The following VAV2 variants were observed in gnomAD, a reference collection of about 807,000 sequenced individuals.
VAV2 encodes guanine nucleotide exchange factor VAV2.
In VAV2, 67 loss-of-function variants were observed where a neutral mutation model predicts 132.5. The ratio of observed to expected loss-of-function variants is 0.51; its 90% CI spans 0.42 to 0.62. VAV2 has a LOEUF of 0.62. VAV2 is among the 20% of genes least tolerant of loss of function. The probability of loss-of-function intolerance (pLI) is 0.00; values close to 1 mark genes in which losing one functional copy is unlikely to be tolerated. For missense variants in VAV2, 938 were observed against 1,153.6 expected (o/e 0.81, Z 2.71); for synonymous variants, 492 against 443.5 (o/e 1.11, Z -1.37).
intron 2 of VAV2, among the ~76,000 whole-genome samples, chr9:133,882,285 G>A (rs1455351822): frequency 6.6e-6 from 1 of 152,274 alleles, no homozygotes; most frequent in East Asian, 1.9e-4. Context: ...CAAGGGCACA[G>A]ACCCTGTCCG....
chr9:133,890,052 G>A (rs1564439293), intron 2 of VAV2, among the ~76,000 whole-genome samples: 1 of 152,236 alleles, frequency 6.6e-6, no homozygotes, highest in Non-Finnish European at 1.5e-5. Flanking sequence ...CACTCCGGGA[G>A]GCTATGGTGC....
Position 133,884,955 on chromosome 9 carries a change from C to A in VAV2, c.322-23523G>T, listed in dbSNP as rs1365779586. Among the ~76,000 whole-genome samples, 1 of 152,172 alleles carries A rather than the reference C, an allele frequency of 6.6e-6. No individual in the cohort carries two copies. Among genetic ancestry groups the A allele is most frequent in the African/African-American group, 2.4e-5 (1 of 41,438 alleles). On this transcript the variant is annotated intron_variant, in intron 2 of 29. Coordinates refer to ENST00000371850, the MANE Select transcript of VAV2 (RefSeq NM_001134398.2). The surrounding 1 kb of genome is among the most constrained non-coding windows in gnomAD (Gnocchi z 5.3). ...AGCCTGATGAACCCACCTGAGCCAG[C>A]CACAGTGACAGGTGGAGCCTAGATC...
chr9:133,923,989 C>CG, intron 2 of VAV2, among the ~76,000 whole-genome samples: 1 of 149,280 alleles, frequency 6.7e-6, no homozygotes, highest in Non-Finnish European at 1.5e-5. Context: ...TGCAGCCTGT[C>CG]GGGGGGTGGG....
chr9:133,899,485 C>T (rs1839354106), intron 2 of VAV2, among the ~76,000 whole-genome samples: 1 of 151,812 alleles, frequency 6.6e-6, no homozygotes, highest in Admixed American at 6.6e-5. Context: ...CTGAGCTCAC[C>T]GCAATCTCTG....
intron 1 of VAV2, among the ~76,000 whole-genome samples, chr9:133,979,575 G>A (rs1029705812): frequency 1.3e-5 from 2 of 152,202 alleles, no homozygotes; most frequent in Non-Finnish European, 2.9e-5. Flanking sequence ...ACTTCCTGCA[G>A]CAGAGACACA....
chr9:133,808,925 G>T (rs944473074), intron 7 of VAV2, 115 bp downstream of exon 7: 1 of 940,222 alleles, frequency 1.1e-6, no homozygotes, highest in Admixed American at 2.6e-5. Context: ...AGTCTCCTTC[G>T]CCTGTCAGAG....
intron 10 of VAV2, 39 bp downstream of exon 10, chr9:133,797,671 T>C (rs1446947222): frequency 7.6e-6 from 12 of 1,588,582 alleles, no homozygotes; most frequent in South Asian, 1.1e-5. Context: ...AGCTGCAACC[T>C]TGGAGCCAGG....
rs535077785 is a variant in VAV2, at chr9:133,835,848, G to A, written c.381-1508C>T. Among the ~76,000 whole-genome samples the A allele has an allele frequency of 3.9e-4, 60 of 152,320 alleles. No individual in the cohort carries two copies. The South Asian group carries it at 7.5e-3, about 19-fold the overall frequency. On this transcript the variant is annotated intron_variant, in intron 3 of 29. Coordinates refer to ENST00000371850, the MANE Select transcript of VAV2 (RefSeq NM_001134398.2). Reference sequence around the variant, plus strand: ...CTCTGTCACAGACCTGCAGGGACTGGGCCATTGGTCAGCGTGCCCCTGTGG... The same window carrying A: ...CTCTGTCACAGACCTGCAGGGACTGAGCCATTGGTCAGCGTGCCCCTGTGG...
intron 4 of VAV2, among the ~76,000 whole-genome samples, chr9:133,816,254 C>T (rs1011915183): frequency 6.6e-6 from 1 of 152,178 alleles, no homozygotes; most frequent in Non-Finnish European, 1.5e-5. Context: ...TGTGATTCTT[C>T]CCCCAGTCTC....
chr9:133,796,040 G>C (rs1834699462), intron 11 of VAV2, among the ~76,000 whole-genome samples: 1 of 152,218 alleles, frequency 6.6e-6, no homozygotes, highest in Non-Finnish European at 1.5e-5. Flanking sequence ...ACGGGAAAAG[G>C]GCCTCGCAAG....
chr9:133,975,760 A>G (rs539210438), intron 1 of VAV2, among the ~76,000 whole-genome samples: 1 of 152,300 alleles, frequency 6.6e-6, no homozygotes, highest in East Asian at 1.9e-4. Flanking sequence ...GAATATTTAA[A>G]TATCTCATAC....
intron 20 of VAV2, 123 bp downstream of exon 20, chr9:133,780,571 C>A: frequency 8.3e-7 from 1 of 1,201,418 alleles, no homozygotes; most frequent in Non-Finnish European, 1.1e-6. Context: ...CCAAAAGTGG[C>A]TCATCCAAGC....
Position 133,991,838 on chromosome 9 carries a change from G to A in VAV2, c.204+237C>T, listed in dbSNP as rs1382198307. Among the ~76,000 whole-genome samples the A allele has an allele frequency of 6.6e-6, 1 of 150,984 alleles. No homozygotes were observed. Among genetic ancestry groups the A allele is most frequent in the African/African-American group, 2.4e-5 (1 of 41,304 alleles). On this transcript the variant is annotated intron_variant, in intron 1 of 29. Coordinates refer to ENST00000371850, the MANE Select transcript of VAV2 (RefSeq NM_001134398.2). The surrounding 1 kb of genome is among the most constrained non-coding windows in gnomAD (Gnocchi z 4.8). ...CGCGGAACCGGCGCACCAGAGCAGT[G>A]CCCGCGGGCGGCGGCGGCGCGACCC...
chr9:133,893,714 C>T (rs1198131867), intron 2 of VAV2, among the ~76,000 whole-genome samples: 1 of 152,216 alleles, frequency 6.6e-6, no homozygotes, highest in Non-Finnish European at 1.5e-5. Flanking sequence ...GCTTTCATTG[C>T]CTGAACCTCG....
Position 133,775,012 on chromosome 9 carries a change from C to T in VAV2, c.2058G>A (p.Leu686=). 1 of 1,613,242 alleles carries T rather than the reference C, an allele frequency of 6.2e-7. No individual in the cohort carries two copies. Among genetic ancestry groups the T allele is most frequent in the East Asian group, 2.2e-5 (1 of 44,864 alleles). ...AGGTCCCGCTGGCGTGGGACTTGAG[C>T]AGGTTGTCCGTCTGCTGCCTCTCCA... ...GNMERQQTDN[L]LKSHASGTYL... Residue 686 remains leucine, a synonymous_variant, in exon 25 of 30, where the codon CTG becomes CTA. Transcript: ENST00000371850.
intron 13 of VAV2, among the ~76,000 whole-genome samples, chr9:133,790,415 G>C (rs566962527): frequency 6.6e-6 from 1 of 152,276 alleles, no homozygotes; most frequent in East Asian, 1.9e-4. Flanking sequence ...GACCTCAAGT[G>C]ATCCTTCCAC....
chr9:133,865,686 A>T (rs752909401), intron 2 of VAV2, among the ~76,000 whole-genome samples: 6 of 152,160 alleles, frequency 3.9e-5, no homozygotes, highest in Non-Finnish European at 8.8e-5. Context: ...TGCATCTGCT[A>T]GCCCCCTCCC....
rs1036842091 is a variant in VAV2, at chr9:133,802,236, G to A, written c.836+3845C>T. 2.6e-5 allele frequency among the ~76,000 whole-genome samples: 4 copies of A among 151,912 alleles called. No individual in the cohort carries two copies. The highest frequency in any genetic ancestry group is 9.7e-5 in the African/African-American group (4 of 41,330). ...CACATTTACTACTGTTAAGAAAAAG[G>A]AGCCAAAACTTGGAATAACACACAC... On this transcript the variant is annotated intron_variant, in intron 9 of 29. Transcript: ENST00000371850. This position sits in a 1 kb window ranked among gnomAD's most constrained non-coding sequence, Gnocchi z 5.8.
intron 2 of VAV2, among the ~76,000 whole-genome samples, chr9:133,899,445 G>A (rs939470090): frequency 1.3e-5 from 2 of 151,666 alleles, no homozygotes; most frequent in Non-Finnish European, 2.9e-5. Context: ...GTCTCGCTCT[G>A]TCACCCAGGC....
Sources: allele counts gnomAD v4.1 joint callset (sites outside exome capture counted in the v4.1 genomes callset), GRCh38; gene constraint gnomAD v4.1.1; non-coding constraint Gnocchi (gnomAD v3.1); transcripts MANE v1.5; gene names NCBI Gene and HGNC (gene_info 2026-07-23, HGNC 2026-07-21).